The following PGM2 variants were observed in gnomAD, a reference collection of about 807,000 sequenced individuals.
PGM2 encodes phosphoglucomutase 2, also known as phosphopentomutase.
A neutral mutation model predicts 74.6 loss-of-function variants in PGM2; 57 were observed. The observed-to-expected ratio is 0.76, with a 90% CI of 0.62 to 0.95. The LOEUF is 0.95. PGM2 is among the 40% of genes least tolerant of loss of function. PGM2 has a pLI of 0.00. For missense variants in PGM2, 706 were observed against 741.9 expected, an observed-to-expected ratio of 0.95 and a Z score of 0.56; for synonymous variants, 273 against 260.7, an observed-to-expected ratio of 1.05 and a Z score of -0.46.
At position 37,840,058 on chromosome 4, in the gene PGM2, TC is replaced by T. The variant is rs922324369; in HGVS notation, c.526-6del. 1.9e-6 allele frequency: 3 copies of T among 1,608,742 alleles called. No individual in the cohort carries two copies. In the African/African-American group the frequency reaches 4.0e-5, roughly 22 times the overall value. ...TAAACCTTCTGAATGTGTTCCTGGG[TC>T]CTCTAGGTCTATTGGGATAATGGAG... On this transcript the variant is annotated splice_polypyrimidine_tract_variant and splice_region_variant and intron_variant, in intron 5 of 13. Transcript: ENST00000381967.
rs376445794 is a variant in PGM2 at position 37,844,488 on chromosome 4, A to G, written c.844A>G (p.Lys282Glu). 18 of 1,613,816 alleles carry G rather than the reference A, an allele frequency of 1.1e-5. No individual in the cohort carries two copies. Among genetic ancestry groups the G allele is most frequent in the Non-Finnish European group, 1.5e-5 (18 of 1,179,794 alleles). Residue 282 changes from lysine (K) to glutamate (E), a missense_variant, in exon 7 of 14, where the codon AAA becomes GAA. By Grantham distance (56) the Lys-to-Glu change is moderately conservative. Coordinates refer to ENST00000381967, the MANE Select transcript of PGM2 (RefSeq NM_018290.4). ...TCCTCCTGAGGCTGTTCCTGAACAG[A>G]AAGATCCGGATCCTGAGTTTCCAAC... is the stretch of plus-strand genomic sequence containing the variant. ...LVPPEAVPEQ[K>E]DPDPEFPTVK...
intron 7 of PGM2, 28 bp from the exon 8 acceptor site, chr4:37,845,605 A>G: frequency 7.0e-7 from 1 of 1,430,222 alleles, no homozygotes; most frequent in Non-Finnish European, 9.9e-7. Context: ...TTGATTAAAT[A>G]ATCTTTTATT....
rs774022074 is a variant in PGM2, at chr4:37,834,663, A to G, written c.295A>G (p.Lys99Glu). The G allele has an allele frequency of 1.2e-6, 2 of 1,603,108 alleles. No homozygotes were observed. The highest frequency in any genetic ancestry group is 1.7e-6 in the Non-Finnish European group (2 of 1,171,580). Residue 99 changes from lysine (K) to glutamate (E), a missense_variant, in exon 3 of 14, where the codon AAA becomes GAA. By Grantham distance (56) the Lys-to-Glu change is moderately conservative (BLOSUM62 1). Coordinates refer to ENST00000381967, the MANE Select transcript of PGM2 (RefSeq NM_018290.4). Reference sequence around the variant, plus strand: ...AAAACAATTCAGTGACTTAAAGCAGAAAGGCATCGTGATCAGTTTTGACGC... The same window carrying G: ...AAAACAATTCAGTGACTTAAAGCAGGAAGGCATCGTGATCAGTTTTGACGC... ...LEKQFSDLKQ[K>E]GIVISFDARA...
In PGM2 at chr4:37,845,717, GAAAAGCAAGACAGGT is replaced by G. The variant is rs1435043088; in HGVS notation, c.999_1007+6del. 6.2e-7 allele frequency: 1 copy of G among 1,606,198 alleles called. No homozygotes were observed. The highest frequency in any genetic ancestry group is 8.5e-7 in the Non-Finnish European group (1 of 1,172,734). On this transcript the variant is annotated splice_donor_variant and coding_sequence_variant, in exon 8 of 14. Transcript: ENST00000381967. LOFTEE classifies it high-confidence loss of function. ...GGATGCTGATAGACTTGCTGTGGCA[GAAAAGCAAGACAGGT>G]AAAATTAATTGTGATTACCTATATT...
At chr4:37,851,666 C>T (rs1209696046) in intron 12 of PGM2, among the ~76,000 whole-genome samples, 1 of 152,172 alleles carries the variant, frequency 6.6e-6, no homozygotes, top group African/African-American at 2.4e-5. Flanking sequence ...ATTGCCATGT[C>T]ACCAAGACTA....
chr4:37,828,348 C>CT lies in PGM2; in HGVS notation c.81+1547dup, dbSNP rs1232898538. The stretch of plus-strand genomic sequence containing the variant: ...TTTCTCTGGGTAGAGATGAGATGTC[C>CT]TTTTTTTTTTTTAATCACTTCTCAT... On this transcript the variant is annotated intron_variant, in intron 1 of 13. Transcript: ENST00000381967. Among the ~76,000 whole-genome samples the CT allele has an allele frequency of 7.3e-3, 1,052 of 144,550 alleles. 20 individuals carry two copies. The highest frequency in any genetic ancestry group is 0.024 in the African/African-American group (964 of 39,508). 94.8% of individuals were successfully genotyped at this position (144,550 alleles called of 152,430 possible). A position where few individuals can be genotyped will look rare whatever the true frequency, so the allele number is the denominator to read the frequency against.
At chr4:37,835,333 C>G (rs1037329678) in intron 3 of PGM2, among the ~76,000 whole-genome samples, 1 of 152,278 alleles carries the variant, frequency 6.6e-6, no homozygotes, top group South Asian at 2.1e-4. Flanking sequence ...CAAACTTTTT[C>G]TCTAAAGGGC....
At chr4:37,826,880 G>A in intron 1 of PGM2, 67 bp downstream of exon 1, 3 of 1,010,622 alleles carry the variant, frequency 3.0e-6, no homozygotes, top group Admixed American at 4.4e-5. Context: ...TCCAGGCGCG[G>A]CGCTGCTTGC....
chr4:37,827,209 C>G (rs1725316365), intron 1 of PGM2, among the ~76,000 whole-genome samples: 2 of 152,250 alleles, frequency 1.3e-5, no homozygotes, highest in Admixed American at 6.5e-5. Context: ...CCCAGAATCG[C>G]TCCGTCCCGC....
At chr4:37,840,954 G>GTA (rs1725693413) in intron 6 of PGM2, among the ~76,000 whole-genome samples, 1 of 90,322 alleles carries the variant, frequency 1.1e-5, no homozygotes, top group Non-Finnish European at 2.9e-5. Flanking sequence ...GTAAGTGTGT[G>GTA]TGTGTGTGTG....
At chr4:37,835,277 G>A (rs989541853) in intron 3 of PGM2, among the ~76,000 whole-genome samples, 32 of 152,206 alleles carry the variant, frequency 2.1e-4, no homozygotes, top group African/African-American at 3.9e-4. Flanking sequence ...TAATGTGAAA[G>A]GAGGAGTCGC....
chr4:37,854,896 ATTTAG>A (rs937123912), intron 12 of PGM2, among the ~76,000 whole-genome samples: 1 of 152,328 alleles, frequency 6.6e-6, no homozygotes, highest in African/African-American at 2.4e-5. Flanking sequence ...TTTAAAATTA[ATTTAG>A]TTATGTTAAT....
intron 10 of PGM2, among the ~76,000 whole-genome samples, chr4:37,847,819 A>G (rs1725918805): frequency 6.6e-6 from 1 of 152,258 alleles, no homozygotes; most frequent in African/African-American, 2.4e-5. Flanking sequence ...AGAAAGGAGA[A>G]CTAGCTATAG....
chr4:37,850,739 C>G (rs1726018104), intron 12 of PGM2, among the ~76,000 whole-genome samples: 2 of 152,060 alleles, frequency 1.3e-5, no homozygotes, highest in African/African-American at 4.8e-5. Flanking sequence ...ACCTGTAATC[C>G]CAGCACTTTG....
chr4:37,859,910 T>C (rs1370145658), intron 13 of PGM2, among the ~76,000 whole-genome samples: 6 of 152,198 alleles, frequency 3.9e-5, no homozygotes, highest in Non-Finnish European at 8.8e-5. Flanking sequence ...GTCCTGTTAT[T>C]TTTAAAGATG....
rs867298606 is a variant in PGM2 at position 37,841,102 on chromosome 4, G to A, written c.719+843G>A. 4.7e-3 allele frequency among the ~76,000 whole-genome samples: 515 copies of A among 110,462 alleles called. 2 individuals carry two copies. Among genetic ancestry groups the A allele is most frequent in the Admixed American group, 0.012 (101 of 8,646 alleles). The allele number at this position is 110,462 out of a possible 152,430, so 72.5% of individuals were successfully genotyped here. On this transcript the variant is annotated intron_variant, in intron 6 of 13. Transcript: ENST00000381967. ...TATATATATATATATATATATATAT[G>A]TGTGTGTGTGTGTTTGTATATGTAT...
chr4:37,836,568 C>T (rs1432513574), intron 3 of PGM2, among the ~76,000 whole-genome samples: 1 of 152,200 alleles, frequency 6.6e-6, no homozygotes, highest in Non-Finnish European at 1.5e-5. Context: ...GCGATCTGCT[C>T]TTTGTGCCCC....
intron 11 of PGM2, among the ~76,000 whole-genome samples, chr4:37,849,334 GCT>G (rs1337879406): frequency 6.6e-6 from 1 of 151,562 alleles, no homozygotes; most frequent in Non-Finnish European, 1.5e-5. Context: ...GTGTGACCTG[GCT>G]CTCTGTGCAA....
At chr4:37,853,258 C>T (rs1188106538) in intron 12 of PGM2, among the ~76,000 whole-genome samples, 1 of 152,084 alleles carries the variant, frequency 6.6e-6, no homozygotes, top group Non-Finnish European at 1.5e-5. Context: ...CTGCTTCAGC[C>T]TCCTGAGTAG....
Sources: gnomAD v4.1 joint callset for allele counts (sites outside exome capture counted in the v4.1 genomes callset) on GRCh38, gnomAD v4.1.1 for gene constraint, MANE v1.5 for transcripts, NCBI Gene and HGNC (gene_info 2026-07-23, HGNC 2026-07-21) for gene names.